The following KLF3 variants were observed in gnomAD, a reference collection of about 807,000 sequenced individuals.
The protein encoded by KLF3 is KLF transcription factor 3.
In KLF3, 6 loss-of-function variants were observed where a neutral mutation model predicts 32.7. That is an observed-to-expected ratio of 0.18 (90% confidence interval 0.10 to 0.36). KLF3 has a LOEUF of 0.36. KLF3 is among the 10% of genes least tolerant of loss of function. The pLI, the probability that KLF3 is intolerant of heterozygous loss-of-function variation, is 1.00. For missense variants in KLF3, 338 were observed against 449.7 expected (o/e 0.75, Z 2.25); for synonymous variants, 145 against 172.8 (o/e 0.84, Z 1.26).
Position 38,699,309 on chromosome 4 carries a change from CAT to C in KLF3, c.*2047_*2048del. The C allele has an allele frequency of 6.6e-6, 1 of 152,026 alleles. No individual in the cohort carries two copies. 9.4% of individuals were successfully genotyped at this position (152,026 alleles called of 1,614,324 possible). A position where few individuals can be genotyped will look rare whatever the true frequency, so the allele number is the denominator to read the frequency against. ...AAGTTTTTCTTTTTTGCAACTATGA[CAT>C]GAATTGAGTGATAAAATGGCTCTTT... On this transcript the variant is annotated 3_prime_UTR_variant, in exon 6 of 6. Coordinates refer to ENST00000261438, the MANE Select transcript of KLF3 (RefSeq NM_016531.6).
chr4:38,667,872 GA>G (rs1456169876), intron 1 of KLF3, among the ~76,000 whole-genome samples: 1 of 152,186 alleles, frequency 6.6e-6, no homozygotes, highest in Non-Finnish European at 1.5e-5. Context: ...TTTGGAAGGA[GA>G]AATCTTTAGA....
At position 38,688,799 on chromosome 4, in the gene KLF3, C is replaced by G; in HGVS notation, c.272C>G (p.Ala91Gly). The G allele has an allele frequency of 6.2e-7, 1 of 1,614,246 alleles. No homozygotes were observed. The highest frequency in any genetic ancestry group is 1.3e-5 in the African/African-American group (1 of 75,074). Residue 91 changes from alanine (A) to glycine (G), a missense_variant, in exon 3 of 6, where the codon GCC (alanine) becomes GGC (glycine). Physicochemically the swap from Ala to Gly is moderately conservative, Grantham distance 60. Transcript: ENST00000261438. The surrounding 1 kb of genome is among the most constrained non-coding windows in gnomAD (Gnocchi z 4.9). The stretch of plus-strand genomic sequence containing the variant: ...AAGTTCCCGTCCTCACACCGGAGAG[C>G]CTCGCCTGGGTTGAGCATGCCTTCT... ...SLKFPSSHRR[A>G]SPGLSMPSSS... is the part of the protein sequence containing the mutation.
intron 1 of KLF3, among the ~76,000 whole-genome samples, chr4:38,667,990 CTG>C (rs1722093165): frequency 6.6e-6 from 1 of 152,144 alleles, no homozygotes; most frequent in South Asian, 2.1e-4. Flanking sequence ...AAAGATTTCA[CTG>C]TGCAATATTC....
intron 4 of KLF3, among the ~76,000 whole-genome samples, chr4:38,694,096 G>A (rs546742591): frequency 6.6e-6 from 1 of 152,330 alleles, no homozygotes; most frequent in East Asian, 1.9e-4. Context: ...GTTTGAGTTT[G>A]TGAAGACAGC....
Position 38,671,552 on chromosome 4 carries a change from A to G in KLF3, c.-40+7091A>G, listed in dbSNP as rs537833852. 3.9e-5 allele frequency among the ~76,000 whole-genome samples: 6 copies of G among 152,306 alleles called. No homozygotes were observed. In the South Asian group the frequency reaches 1.2e-3, roughly 32 times the overall value. ...GACCAACCTGTTCACAGAAATCACT[A>G]TCATGTACTTACTGTTGGTGGTGTA... On this transcript the variant is annotated intron_variant, in intron 1 of 5. Transcript: ENST00000261438. This position sits in a 1 kb window ranked among gnomAD's most constrained non-coding sequence, Gnocchi z 4.4.
chr4:38,673,758 C>G (rs1480013131), intron 1 of KLF3, among the ~76,000 whole-genome samples: 1 of 152,028 alleles, frequency 6.6e-6, no homozygotes, highest in Non-Finnish European at 1.5e-5. Flanking sequence ...TGCACCTGTC[C>G]TTATTGACAT....
chr4:38,682,423 G>A (rs180754970), intron 2 of KLF3, among the ~76,000 whole-genome samples: 3 of 152,172 alleles, frequency 2.0e-5, no homozygotes, highest in East Asian at 1.9e-4. Context: ...CCCCCTCCCC[G>A]GCATCACTAC....
At position 38,664,227 on chromosome 4, in the gene KLF3, T is replaced by A. The variant is rs1394574581; in HGVS notation, c.-274T>A. The A allele has an allele frequency of 6.6e-6, 1 of 150,668 alleles. No homozygotes were observed. The highest frequency in any genetic ancestry group is 1.5e-5 in the Non-Finnish European group (1 of 67,740). 9.3% of individuals were successfully genotyped at this position (150,668 alleles called of 1,614,324 possible). A position where few individuals can be genotyped will look rare whatever the true frequency, so the allele number is the denominator to read the frequency against. ...GCGAGCGGCGCCGGCGTCATGTGAC[T>A]GCCCGGAGTTGGTGCCAGGAGCCAG... On this transcript the variant is annotated 5_prime_UTR_variant, in exon 1 of 6. Coordinates refer to ENST00000261438, the MANE Select transcript of KLF3 (RefSeq NM_016531.6).
intron 4 of KLF3, among the ~76,000 whole-genome samples, chr4:38,693,094 A>ATATATATGTACATATATATACATG (rs1478745009): frequency 1.8e-5 from 2 of 110,178 alleles, no homozygotes; most frequent in African/African-American, 3.3e-5. Flanking sequence ...ATATACACGT[A>ATATATATGTACATATATATACATG]TATATATATG....
At chr4:38,689,398 G>T (rs1011656417) in intron 3 of KLF3, among the ~76,000 whole-genome samples, 4 of 152,186 alleles carry the variant, frequency 2.6e-5, no homozygotes, top group Non-Finnish European at 4.4e-5. Flanking sequence ...AATCCTTTTT[G>T]ATTGTGGTGA....
rs911417826 is a variant in KLF3 at position 38,688,122 on chromosome 4, A to C, written c.58-463A>C. Among the ~76,000 whole-genome samples the C allele has an allele frequency of 6.6e-6, 1 of 152,224 alleles. No homozygotes were observed. The highest frequency in any genetic ancestry group is 6.5e-5 in the Admixed American group (1 of 15,282). On this transcript the variant is annotated intron_variant, in intron 2 of 5. Transcript: ENST00000261438. The surrounding 1 kb of genome is among the most constrained non-coding windows in gnomAD (Gnocchi z 4.9). Reference sequence around the variant, plus strand: ...TCCTGAGAAAGAGCTGTCCTGCCGAAGTTAGACATCAAAGCTAGAGAGCAT... The same window carrying C: ...TCCTGAGAAAGAGCTGTCCTGCCGACGTTAGACATCAAAGCTAGAGAGCAT...
chr4:38,686,691 T>G (rs1438468031), intron 2 of KLF3, among the ~76,000 whole-genome samples: 1 of 152,148 alleles, frequency 6.6e-6, no homozygotes, highest in African/African-American at 2.4e-5. Flanking sequence ...GAGCATCTCT[T>G]GTATAAGCAG....
intron 4 of KLF3, among the ~76,000 whole-genome samples, chr4:38,693,156 A>G (rs1310633676): frequency 6.8e-6 from 1 of 146,346 alleles, no homozygotes; most frequent in Non-Finnish European, 1.5e-5. Context: ...ATATATATAC[A>G]TATATATAAT....
At chr4:38,680,117 A>T (rs1164706995) in intron 1 of KLF3, among the ~76,000 whole-genome samples, 3 of 152,202 alleles carry the variant, frequency 2.0e-5, no homozygotes, top group Non-Finnish European at 1.5e-5. Flanking sequence ...GGCATCTTTC[A>T]TAGGTAAGGG....
chr4:38,690,938 C>G (rs1000097), intron 4 of KLF3, among the ~76,000 whole-genome samples: 4,399 of 152,100 alleles, frequency 0.029, 138 homozygotes, highest in Admixed American at 0.09. Context: ...TCCACTGCAC[C>G]CAATCATAGT....
At chr4:38,680,288 A>T (rs932095322) in intron 1 of KLF3, among the ~76,000 whole-genome samples, 2 of 151,788 alleles carry the variant, frequency 1.3e-5, no homozygotes, top group Admixed American at 6.6e-5. Context: ...ATTTCGGCTC[A>T]CTGCAACCTC....
intron 2 of KLF3, among the ~76,000 whole-genome samples, chr4:38,682,770 A>C (rs1342137264): frequency 6.6e-6 from 1 of 152,256 alleles, no homozygotes; most frequent in Non-Finnish European, 1.5e-5. Flanking sequence ...TAACGTAGTA[A>C]TACATGAAGT....
At position 38,698,027 on chromosome 4, in the gene KLF3, G is replaced by C. The variant is rs190863820; in HGVS notation, c.*764G>C. The C allele has an allele frequency of 6.6e-6, 1 of 152,340 alleles. No individual in the cohort carries two copies. The highest frequency in any genetic ancestry group is 2.4e-5 in the African/African-American group (1 of 41,566). The allele number at this position is 152,340 out of a possible 1,614,324, so 9.4% of individuals were successfully genotyped here. On this transcript the variant is annotated 3_prime_UTR_variant, in exon 6 of 6. Transcript: ENST00000261438. ...GAAGAGGCAATTCCTCCTGGGCTAGGGGTTGTCAGTGAGGTTTCAACATTT... is the reference window on the plus strand; with the variant it reads ...GAAGAGGCAATTCCTCCTGGGCTAGCGGTTGTCAGTGAGGTTTCAACATTT...
At position 38,671,448 on chromosome 4, in the gene KLF3, G is replaced by A. The variant is rs942912988; in HGVS notation, c.-40+6987G>A. 2.0e-5 allele frequency among the ~76,000 whole-genome samples: 3 copies of A among 152,184 alleles called. No homozygotes were observed. The highest frequency in any genetic ancestry group is 7.2e-5 in the African/African-American group (3 of 41,450). ...CCAAGTGTGCGTACTGAGACAGGGT[G>A]GGCAGCAGGGGCCAGTTGGAAGGAG... On this transcript the variant is annotated intron_variant, in intron 1 of 5. Transcript: ENST00000261438. This position sits in a 1 kb window ranked among gnomAD's most constrained non-coding sequence, Gnocchi z 4.4.
Sources: allele counts gnomAD v4.1 joint callset (sites outside exome capture counted in the v4.1 genomes callset), GRCh38; gene constraint gnomAD v4.1.1; non-coding constraint Gnocchi (gnomAD v3.1); transcripts MANE v1.5; gene names NCBI Gene and HGNC (gene_info 2026-07-23, HGNC 2026-07-21).